Variants in GRAMD2B observed in about 807,000 individuals in gnomAD.
GRAMD2B encodes GRAM domain-containing protein 2B.
A neutral mutation model predicts 59.2 loss-of-function variants in GRAMD2B; 41 were observed. The observed-to-expected ratio is 0.69, with a 90% CI of 0.54 to 0.90. GRAMD2B has a LOEUF of 0.90. GRAMD2B is among the 40% of genes least tolerant of loss of function. The probability of loss-of-function intolerance (pLI) is 0.00; values close to 1 mark genes in which losing one functional copy is unlikely to be tolerated. For synonymous variants in GRAMD2B, 161 were observed against 182.7 expected (o/e 0.88, Z 0.96); for missense variants, 424 against 500.5 (o/e 0.85, Z 1.46).
At chr5:126,375,945 A>T (rs1447685642) in intron 1 of GRAMD2B, among the ~76,000 whole-genome samples, 1 of 152,220 alleles carries the variant, frequency 6.6e-6, no homozygotes, top group African/African-American at 2.4e-5. Flanking sequence ...AGTACCTCAA[A>T]ATTCAAAATT....
At chr5:126,393,344 C>T (rs1477282783) in intron 1 of GRAMD2B, among the ~76,000 whole-genome samples, 2 of 152,150 alleles carry the variant, frequency 1.3e-5, no homozygotes, top group Admixed American at 1.3e-4. Flanking sequence ...AAAATTTTTA[C>T]ATGTTTGCAT....
At chr5:126,400,983 C>G (rs536186203) in intron 1 of GRAMD2B, among the ~76,000 whole-genome samples, 13 of 152,190 alleles carry the variant, frequency 8.5e-5, no homozygotes, top group African/African-American at 2.9e-4. Context: ...TATCCCTCCC[C>G]AAGATTTGGG....
At chr5:126,382,087 G>T (rs1240393657) in intron 1 of GRAMD2B, among the ~76,000 whole-genome samples, 1 of 152,094 alleles carries the variant, frequency 6.6e-6, no homozygotes. Flanking sequence ...TCCTTTATTA[G>T]GTTACCTGAT....
At chr5:126,444,612 A>T (rs1388986020) in intron 1 of GRAMD2B, among the ~76,000 whole-genome samples, 1 of 152,238 alleles carries the variant, frequency 6.6e-6, no homozygotes, top group Admixed American at 6.5e-5. Flanking sequence ...ATCTATACAG[A>T]ATTGTTACAA....
intron 13 of GRAMD2B, among the ~76,000 whole-genome samples, chr5:126,490,807 C>A (rs1229813325): frequency 1.3e-5 from 2 of 152,212 alleles, no homozygotes; most frequent in African/African-American, 4.8e-5. Context: ...GCCTCATGAT[C>A]TTTCTCTGCT....
At chr5:126,385,859 G>A (rs1314865885) in intron 1 of GRAMD2B, among the ~76,000 whole-genome samples, 1 of 152,180 alleles carries the variant, frequency 6.6e-6, no homozygotes. Context: ...AACAGAACAT[G>A]AGACTGGAAG....
intron 1 of GRAMD2B, among the ~76,000 whole-genome samples, chr5:126,372,779 T>C (rs996909048): frequency 1.3e-5 from 2 of 152,154 alleles, no homozygotes; most frequent in Non-Finnish European, 2.9e-5. Flanking sequence ...ACTCATCCAT[T>C]ATTTCCATAT....
chr5:126,484,417 A>C lies in GRAMD2B; in HGVS notation c.863A>C (p.Glu288Ala), dbSNP rs757347533. 1.2e-6 allele frequency: 2 copies of C among 1,613,852 alleles called. No individual in the cohort carries two copies. Among genetic ancestry groups the C allele is most frequent in the Non-Finnish European group, 1.7e-6 (2 of 1,179,924 alleles). Residue 288 changes from glutamate (E) to alanine (A), a missense_variant, in exon 10 of 14, where the codon GAA (glutamate) becomes GCA (alanine). Transcript: ENST00000285689. ...GGCTTAGTAGATTTCCATGCGACAG[A>C]ATCCCAAACAGTTCTGAATGTCTCC... ...SENSRDFHAT[E>A]SQTVLNVSKG... is the part of the protein sequence containing the mutation.
chr5:126,490,613 T>C (rs1280797354), intron 13 of GRAMD2B, among the ~76,000 whole-genome samples: 1 of 152,182 alleles, frequency 6.6e-6, no homozygotes, highest in African/African-American at 2.4e-5. Flanking sequence ...AGAATCTAAG[T>C]ATTAAAAAAG....
At position 126,379,152 on chromosome 5, in the gene GRAMD2B, C is replaced by T. The variant is rs143583531; in HGVS notation, c.125+7585C>T. Among the ~76,000 whole-genome samples the T allele has an allele frequency of 9.0e-3, 1,361 of 151,136 alleles. 16 individuals are homozygous for T. Among genetic ancestry groups the T allele is most frequent in the African/African-American group, 0.03 (1,254 of 41,322 alleles). On this transcript the variant is annotated intron_variant, in intron 1 of 8. Coordinates refer to the GRAMD2B transcript ENST00000506445. ...GCTCCCACTTATGAGTGAGAACATA[C>T]GATATTTGATTTTCCATTCCGAGTT... is the stretch of plus-strand genomic sequence containing the variant.
intron 1 of GRAMD2B, 88 bp downstream of exon 1, chr5:126,423,777 C>A: frequency 1.5e-6 from 2 of 1,338,534 alleles, no homozygotes; most frequent in South Asian, 1.4e-5. Context: ...TGGGTGGATG[C>A]GGATTTCTGG....
intron 1 of GRAMD2B, among the ~76,000 whole-genome samples, chr5:126,383,719 A>G (rs1037401072): frequency 6.6e-6 from 1 of 152,194 alleles, no homozygotes; most frequent in Non-Finnish European, 1.5e-5. Context: ...ATCCAAGTTC[A>G]TGGACGAATT....
intron 1 of GRAMD2B, among the ~76,000 whole-genome samples, chr5:126,462,898 A>G (rs1221114606): frequency 2.5e-4 from 38 of 152,210 alleles, no homozygotes; most frequent in Non-Finnish European, 1.5e-5. Flanking sequence ...GAAAAAAGCT[A>G]CTTTGAGTAC....
At chr5:126,476,326 C>T (rs1770621015) in intron 5 of GRAMD2B, among the ~76,000 whole-genome samples, 1 of 152,164 alleles carries the variant, frequency 6.6e-6, no homozygotes, top group Non-Finnish European at 1.5e-5. Flanking sequence ...ACATAAAGCC[C>T]ATCTCTTTGA....
At chr5:126,422,531 A>G (rs1009937672), upstream of GRAMD2B, among the ~76,000 whole-genome samples, 1 of 152,082 alleles carries the variant, frequency 6.6e-6, no homozygotes, top group Non-Finnish European at 1.5e-5. Context: ...CTCATCATCT[A>G]TCCTTAGTGT....
At chr5:126,383,184 A>C in intron 1 of GRAMD2B, among the ~76,000 whole-genome samples, 1 of 152,236 alleles carries the variant, frequency 6.6e-6, no homozygotes, top group East Asian at 1.9e-4. Context: ...TTTAGCTTAA[A>C]GTCCTCACTT....
chr5:126,401,918 A>G (rs543554828), intron 1 of GRAMD2B, among the ~76,000 whole-genome samples: 2 of 152,180 alleles, frequency 1.3e-5, no homozygotes, highest in East Asian at 3.9e-4. Flanking sequence ...ATCCCAGGTC[A>G]TATACCGGGG....
intron 1 of GRAMD2B, among the ~76,000 whole-genome samples, chr5:126,458,073 T>C (rs1322467016): frequency 6.6e-6 from 1 of 152,220 alleles, no homozygotes; most frequent in Non-Finnish European, 1.5e-5. Context: ...TTCATCTTGG[T>C]CTTTTCTTTC....
chr5:126,415,398 A>G (rs1442708896), intron 1 of GRAMD2B, among the ~76,000 whole-genome samples: 1 of 152,042 alleles, frequency 6.6e-6, no homozygotes, highest in Non-Finnish European at 1.5e-5. Flanking sequence ...TGGACTGCAA[A>G]CTCACTTATA....
Sources: gnomAD v4.1 joint callset for allele counts (sites outside exome capture counted in the v4.1 genomes callset) on GRCh38, gnomAD v4.1.1 for gene constraint, MANE v1.5 for transcripts, NCBI Gene and HGNC (gene_info 2026-07-23, HGNC 2026-07-21) for gene names.